The following CCSER1 variants were observed in gnomAD, a reference collection of about 807,000 sequenced individuals.
The protein encoded by CCSER1 is coiled-coil serine rich protein 1.
Under a neutral mutation model 82.0 loss-of-function variants are expected in CCSER1, and 41 were observed. The ratio of observed to expected loss-of-function variants is 0.50; its 90% CI spans 0.39 to 0.65. The LOEUF is 0.65. CCSER1 is among the 30% of genes least tolerant of loss of function. The pLI, the probability that CCSER1 is intolerant of heterozygous loss-of-function variation, is 0.00. For missense variants in CCSER1, 1,119 were observed against 1,064.2 expected (o/e 1.05, Z -0.72); for synonymous variants, 414 against 383.9 (o/e 1.08, Z -0.92).
chr4:91,565,827 T>C (rs1226231264), intron 10 of CCSER1, among the ~76,000 whole-genome samples: 1 of 151,990 alleles, frequency 6.6e-6, no homozygotes, highest in Non-Finnish European at 1.5e-5. Flanking sequence ...AGAATTATGT[T>C]ATCTAAAACA....
chr4:90,553,003 G>A (rs1012312287), intron 5 of CCSER1, among the ~76,000 whole-genome samples: 3 of 143,156 alleles, frequency 2.1e-5, no homozygotes, highest in East Asian at 2.1e-4. Context: ...ACGGAGTCTC[G>A]CTCTGTCATC....
chr4:91,268,738 C>T (rs1385824905), intron 10 of CCSER1, among the ~76,000 whole-genome samples: 3 of 152,024 alleles, frequency 2.0e-5, no homozygotes, highest in African/African-American at 7.3e-5. Context: ...CTCTTACAGG[C>T]AGGGGCGGGG....
intron 10 of CCSER1, among the ~76,000 whole-genome samples, chr4:91,194,453 T>C (rs980915028): frequency 1.3e-5 from 2 of 152,176 alleles, no homozygotes; most frequent in Non-Finnish European, 1.5e-5. Flanking sequence ...ACAATAATGG[T>C]TCAGAGTAGA....
intron 7 of CCSER1, among the ~76,000 whole-genome samples, chr4:90,744,577 C>T (rs1178350690): frequency 2.0e-5 from 3 of 152,106 alleles, no homozygotes; most frequent in Admixed American, 6.5e-5. Context: ...AAATAATAGA[C>T]TTTACAGATG....
chr4:90,687,834 C>T (rs923991621), intron 6 of CCSER1, among the ~76,000 whole-genome samples: 1 of 152,092 alleles, frequency 6.6e-6, no homozygotes, highest in Non-Finnish European at 1.5e-5. Flanking sequence ...GGGTCACCAA[C>T]AAGAAGTGAT....
chr4:91,270,821 T>A (rs1741967615), intron 10 of CCSER1, among the ~76,000 whole-genome samples: 1 of 152,208 alleles, frequency 6.6e-6, no homozygotes, highest in Non-Finnish European at 1.5e-5. Flanking sequence ...ATGCTTCAGA[T>A]AATTTTGTCA....
At chr4:90,867,323 G>A (rs1365347995) in intron 8 of CCSER1, among the ~76,000 whole-genome samples, 2 of 151,932 alleles carry the variant, frequency 1.3e-5, no homozygotes, top group Non-Finnish European at 2.9e-5. Context: ...CCAAATTAAA[G>A]GTAATTCATC....
intron 10 of CCSER1, among the ~76,000 whole-genome samples, chr4:91,580,816 T>A (rs919223605): frequency 6.6e-6 from 1 of 151,726 alleles, no homozygotes; most frequent in East Asian, 1.9e-4. Context: ...CCATTACAGA[T>A]GCTTCATTTT....
rs1178720990 is a variant in CCSER1, at chr4:90,552,609, C to T, written c.1725-75416C>T. On this transcript the variant is annotated intron_variant, in intron 5 of 10. Coordinates refer to ENST00000509176, the MANE Select transcript of CCSER1 (RefSeq NM_001145065.2). ...TGTAGCTGGGACCATAAGCATAACA[C>T]TACACCTGGCTAATTTTTTGTATTT... is the stretch of plus-strand genomic sequence containing the variant. Among the ~76,000 whole-genome samples, 6 of 151,962 alleles carry T rather than the reference C, an allele frequency of 3.9e-5. No individual in the cohort carries two copies. In the South Asian group the frequency reaches 6.2e-4, roughly 16 times the overall value.
chr4:90,355,114 G>A (rs1482507207), intron 3 of CCSER1, among the ~76,000 whole-genome samples: 2 of 151,648 alleles, frequency 1.3e-5, no homozygotes, highest in South Asian at 4.2e-4. Flanking sequence ...GAAGACTTCT[G>A]GATAAGACTC....
At chr4:90,708,535 C>A (rs1170315401) in intron 6 of CCSER1, among the ~76,000 whole-genome samples, 1 of 152,140 alleles carries the variant, frequency 6.6e-6, no homozygotes, top group Non-Finnish European at 1.5e-5. Context: ...ATCCTCAGAA[C>A]TTCCAAATAT....
At chr4:91,228,085 G>A (rs554196998) in intron 10 of CCSER1, among the ~76,000 whole-genome samples, 2 of 151,890 alleles carry the variant, frequency 1.3e-5, no homozygotes, top group African/African-American at 4.8e-5. Context: ...ACCTACCAAG[G>A]GAAATTTTCT....
chr4:90,135,980 G>A lies in CCSER1; in HGVS notation c.-42+8149G>A, dbSNP rs149819959. On this transcript the variant is annotated intron_variant, in intron 1 of 10. Transcript: ENST00000509176. The stretch of plus-strand genomic sequence containing the variant: ...ATGTGTGTACAAATATATGCACAAT[G>A]TGCATATGAATTCTTTAGGGTTTGC... 2.8e-3 allele frequency among the ~76,000 whole-genome samples: 427 copies of A among 152,260 alleles called. 1 individual carries two copies. Among genetic ancestry groups the A allele is most frequent in the Middle Eastern group, 0.01 (3 of 292 alleles).
At chr4:90,399,258 C>T (rs1752459169) in intron 3 of CCSER1, among the ~76,000 whole-genome samples, 1 of 152,124 alleles carries the variant, frequency 6.6e-6, no homozygotes, top group South Asian at 2.1e-4. Flanking sequence ...CAAGACTTCT[C>T]AGTGTAGCCT....
intron 4 of CCSER1, among the ~76,000 whole-genome samples, chr4:90,448,356 C>T (rs1760953041): frequency 6.7e-6 from 1 of 148,338 alleles, no homozygotes; most frequent in Non-Finnish European, 1.5e-5. Context: ...AGGATAGCTC[C>T]AGGGATCTTT....
At chr4:90,987,718 C>T (rs1408081313) in intron 9 of CCSER1, among the ~76,000 whole-genome samples, 1 of 151,616 alleles carries the variant, frequency 6.6e-6, no homozygotes, top group Non-Finnish European at 1.5e-5. Flanking sequence ...ATGTGTTGTA[C>T]ACAGGTCATA....
At chr4:91,251,356 A>C (rs1034503652) in intron 10 of CCSER1, among the ~76,000 whole-genome samples, 2 of 152,154 alleles carry the variant, frequency 1.3e-5, no homozygotes, top group African/African-American at 4.8e-5. Flanking sequence ...CTCTACCCTC[A>C]TGACCTAATT....
In CCSER1 at chr4:91,601,381, T is replaced by TATC. The variant is rs1460910952; in HGVS notation, c.*2326_*2328dup. 1 of 152,086 alleles carries TATC rather than the reference T, an allele frequency of 6.6e-6. No individual in the cohort carries two copies. Among genetic ancestry groups the TATC allele is most frequent in the Non-Finnish European group, 1.5e-5 (1 of 67,960 alleles). 9.4% of individuals were successfully genotyped at this position (152,086 alleles called of 1,614,324 possible). On this transcript the variant is annotated 3_prime_UTR_variant, in exon 11 of 11. Transcript: ENST00000509176. Reference sequence around the variant, plus strand: ...GAAATATCATCTTAAAGCTGTTTTGTATCAGTATTTTCAACATTGTTATAA... The same window carrying TATC: ...GAAATATCATCTTAAAGCTGTTTTGTATCATCAGTATTTTCAACATTGTTATAA...
chr4:90,956,105 T>C (rs1361562445), intron 9 of CCSER1, among the ~76,000 whole-genome samples: 3 of 152,174 alleles, frequency 2.0e-5, no homozygotes, highest in African/African-American at 4.8e-5. Context: ...CATAAGTGTT[T>C]AGTAAATATT....
Sources: allele counts gnomAD v4.1 joint callset (sites outside exome capture counted in the v4.1 genomes callset), GRCh38; gene constraint gnomAD v4.1.1; transcripts MANE v1.5; gene names NCBI Gene and HGNC (gene_info 2026-07-23, HGNC 2026-07-21).